The following LRRK1 variants were observed in gnomAD, a reference collection of about 807,000 sequenced individuals.
LRRK1 encodes the protein leucine rich repeat kinase 1.
A neutral mutation model predicts 209.1 loss-of-function variants in LRRK1; 113 were observed. The ratio of observed to expected loss-of-function variants is 0.54; its 90% CI spans 0.46 to 0.63. The LOEUF (loss-of-function observed/expected upper bound fraction) is 0.63, where lower values mean the gene tolerates loss of function less well. Ranked by LOEUF, LRRK1 falls within the 30% of genes least tolerant of loss-of-function variation. The probability of loss-of-function intolerance (pLI) is 0.00; values close to 1 mark genes in which losing one functional copy is unlikely to be tolerated. For synonymous variants in LRRK1, 1,144 were observed against 1,099.7 expected, an observed-to-expected ratio of 1.04 and a Z score of -0.80; for missense variants, 2,284 against 2,632.2, an observed-to-expected ratio of 0.87 and a Z score of 2.89.
chr15:101,018,164 C>T (rs546421914), intron 12 of LRRK1, among the ~76,000 whole-genome samples: 11 of 118,724 alleles, frequency 9.3e-5, no homozygotes, highest in Admixed American at 5.9e-4. Flanking sequence ...ACAAAGAATG[C>T]TTACAAATTG....
At chr15:100,962,209 T>G (rs545907034) in intron 2 of LRRK1, among the ~76,000 whole-genome samples, 14 of 152,290 alleles carry the variant, frequency 9.2e-5, no homozygotes, top group African/African-American at 3.1e-4. Flanking sequence ...AAAAATATAT[T>G]GAAAAACACA....
chr15:100,966,382 A>G (rs1010162487), intron 2 of LRRK1, among the ~76,000 whole-genome samples: 9 of 151,946 alleles, frequency 5.9e-5, no homozygotes, highest in Non-Finnish European at 1.3e-4. Context: ...GTGTTCTTTC[A>G]TTACTTTTGT....
Position 101,068,826 on chromosome 15 carries a change from C to T in LRRK1, c.6026C>T (p.Ala2009Val), listed in dbSNP as rs1452560841. Residue 2009 changes from alanine to valine, a missense_variant, in exon 34 of 34, where the codon GCT becomes GTT. By Grantham distance (64) the Ala-to-Val change is moderately conservative (BLOSUM62 0). Around this residue, in one of 6 missense-constraint regions of LRRK1, gnomAD observed 643 missense variants for 695.9 expected, o/e 0.92. Transcript: ENST00000388948. ...TACGAGGAGCTGGGCCGGCTGGAGG[C>T]TTGCACTCGCAAGAGAAGGTAATTC... Reference protein sequence around the residue: ...QSYEELGRLEACTRKRR With the variant: ...QSYEELGRLEVCTRKRR 6.2e-7 allele frequency: 1 copy of T among 1,606,348 alleles called. No homozygotes were observed. Among genetic ancestry groups the T allele is most frequent in the Non-Finnish European group, 8.5e-7 (1 of 1,176,552 alleles).
chr15:100,928,539 T>G (rs571123255), intron 2 of LRRK1, among the ~76,000 whole-genome samples: 15 of 152,316 alleles, frequency 9.8e-5, no homozygotes, highest in African/African-American at 3.1e-4. Flanking sequence ...CTCAAAATTA[T>G]GTAGGGACAG....
At chr15:100,941,412 CTG>C (rs1301524815) in intron 2 of LRRK1, among the ~76,000 whole-genome samples, 67 of 12,692 alleles carry the variant, frequency 5.3e-3, no homozygotes, top group African/African-American at 0.013. Flanking sequence ...GTGTGTGTCT[CTG>C]TGTGTGTGTG....
At position 101,068,954 on chromosome 15, in the gene LRRK1, A is replaced by C; in HGVS notation, c.*106A>C. The C allele has an allele frequency of 8.6e-7, 1 of 1,156,080 alleles. No individual in the cohort carries two copies. The highest frequency in any genetic ancestry group is 1.2e-6 in the Non-Finnish European group (1 of 834,784). 71.6% of individuals were successfully genotyped at this position (1,156,080 alleles called of 1,614,324 possible). On this transcript the variant is annotated 3_prime_UTR_variant, in exon 34 of 34. Coordinates refer to ENST00000388948, the MANE Select transcript of LRRK1 (RefSeq NM_024652.6). Reference sequence around the variant, plus strand: ...CTCCAAGGACCTAGAAGACAGATGGAGTTCTCCCCTGAACTCCTTGCTGCT... The same window carrying C: ...CTCCAAGGACCTAGAAGACAGATGGCGTTCTCCCCTGAACTCCTTGCTGCT...
chr15:101,010,631 A>G lies in LRRK1; in HGVS notation c.1118-43A>G, dbSNP rs775191370. 1.9e-6 allele frequency: 3 copies of G among 1,584,076 alleles called. No homozygotes were observed. The East Asian group carries it at 6.8e-5, about 36-fold the overall frequency. On this transcript the variant is annotated intron_variant, in intron 8 of 33. Transcript: ENST00000388948. ...TAGTCATTTTCTTCTTGGTAGGGAT[A>G]TTTTTACCAATTCATACTTTGGGTC...
intron 6 of LRRK1, among the ~76,000 whole-genome samples, chr15:101,000,730 C>G (rs953748634): frequency 7.2e-5 from 11 of 152,210 alleles, no homozygotes; most frequent in Non-Finnish European, 1.3e-4. Context: ...TCACGTTTCT[C>G]CTTTTTCATA....
intron 1 of LRRK1, among the ~76,000 whole-genome samples, chr15:100,920,538 G>T (rs2042002179): frequency 6.6e-6 from 1 of 152,076 alleles, no homozygotes; most frequent in Non-Finnish European, 1.5e-5. Flanking sequence ...TCTCCCAAAA[G>T]TCGATGTCTC....
intron 10 of LRRK1, among the ~76,000 whole-genome samples, chr15:101,013,389 G>A (rs1303843272): frequency 3.9e-5 from 6 of 152,160 alleles, no homozygotes; most frequent in Admixed American, 2.0e-4. Context: ...GGTGGCTGTG[G>A]TGATGTCCTC....
At chr15:100,963,706 A>G (rs539166156) in intron 2 of LRRK1, among the ~76,000 whole-genome samples, 23 of 152,218 alleles carry the variant, frequency 1.5e-4, no homozygotes, top group Non-Finnish European at 2.4e-4. Flanking sequence ...GTGGGAGAAC[A>G]GGCCGACTTC....
chr15:100,990,615 C>A (rs565640507), intron 6 of LRRK1, among the ~76,000 whole-genome samples: 2 of 151,972 alleles, frequency 1.3e-5, no homozygotes, highest in African/African-American at 4.8e-5. Context: ...GATATCTTTT[C>A]ATATGTTCAT....
At position 101,053,413 on chromosome 15, in the gene LRRK1, C is replaced by T. The variant is rs550672480; in HGVS notation, c.4047C>T (p.Asn1349=). 4.3e-5 allele frequency: 69 copies of T among 1,590,722 alleles called. No homozygotes were observed. The Admixed American group carries it at 7.4e-4, about 17-fold the overall frequency. Residue 1349 remains asparagine (N), a synonymous_variant, in exon 26 of 34, where the codon AAC becomes AAT. Transcript: ENST00000388948. ...LSSLNTVLSE[N]ARDSSFIPLG... ...GCCTCAACACCGTGCTGTCCGAGAACGCCAGAGGTACCGCGGCGCGCCGCC... is the reference window on the plus strand; with the variant it reads ...GCCTCAACACCGTGCTGTCCGAGAATGCCAGAGGTACCGCGGCGCGCCGCC...
Position 101,010,450 on chromosome 15 carries a change from G to C in LRRK1, c.990G>C (p.Arg330Ser). The change falls in exon 8 of 34, where the codon AGG becomes AGC. Residue 330 changes from arginine to serine, a missense_variant and splice_region_variant. Transcript: ENST00000388948. ...VQSSDEIICS[R>S]LLEIDISSNK... The stretch of plus-strand genomic sequence containing the variant: ...CTGCCTTCCTTCTTCTCCATCGCAG[G>C]CTACTTGAAATTGACATTTCCAGCA... 1.9e-6 allele frequency: 3 copies of C among 1,609,326 alleles called. No individual in the cohort carries two copies. Among genetic ancestry groups the C allele is most frequent in the Non-Finnish European group, 1.7e-6 (2 of 1,178,750 alleles).
rs145540857 is a variant in LRRK1, at chr15:101,044,482, C to A, written c.2964-1499C>A. Among the ~76,000 whole-genome samples, 671 of 152,328 alleles carry A rather than the reference C, an allele frequency of 4.4e-3. 7 individuals are homozygous for A. Among genetic ancestry groups the A allele is most frequent in the African/African-American group, 0.015 (641 of 41,572 alleles). On this transcript the variant is annotated intron_variant, in intron 20 of 33. Coordinates refer to ENST00000388948, the MANE Select transcript of LRRK1 (RefSeq NM_024652.6). ...CTGGTCATTCCCTGGGACGGCCTTTCCCAGCTCGTAATTGCTCTGAAACCC... is the reference window on the plus strand; with the variant it reads ...CTGGTCATTCCCTGGGACGGCCTTTACCAGCTCGTAATTGCTCTGAAACCC...
Position 101,066,005 on chromosome 15 carries a change from C to G in LRRK1, c.5568C>G (p.Pro1856=), listed in dbSNP as rs1288953759. 1.2e-6 allele frequency: 2 copies of G among 1,614,020 alleles called. No individual in the cohort carries two copies. The highest frequency in any genetic ancestry group is 1.7e-6 in the Non-Finnish European group (2 of 1,180,032). Reference sequence around the variant, plus strand: ...CACCCCGCCAGGCTGCCAGGTCCCCCTCAAGCCTCCCCAGCTCCCCAGCAA... The same window carrying G: ...CACCCCGCCAGGCTGCCAGGTCCCCGTCAAGCCTCCCCAGCTCCCCAGCAA... ...SSPPRQAARS[P]SSLPSSPASS... is the part of the protein sequence containing the mutation. The change falls in exon 32 of 34, where the codon CCC becomes CCG. Residue 1856 remains proline, a synonymous_variant. Coordinates refer to ENST00000388948, the MANE Select transcript of LRRK1 (RefSeq NM_024652.6).
chr15:101,065,852 A>G lies in LRRK1; in HGVS notation c.5415A>G (p.Pro1805=), dbSNP rs780244637. 6.2e-7 allele frequency: 1 copy of G among 1,614,030 alleles called. No individual in the cohort carries two copies. The highest frequency in any genetic ancestry group is 8.5e-7 in the Non-Finnish European group (1 of 1,180,006). Residue 1805 remains proline, a synonymous_variant, in exon 32 of 34, where the codon CCA becomes CCG. Transcript: ENST00000388948. ...CGGCAGCCAGCCACACGGCCAACCC[A>G]AAGGTGCCTGAGGGGGACTCCATCG... ...EPPAASHTAN[P]KVPEGDSIAD... is the part of the protein sequence containing the mutation.
chr15:100,967,009 T>C (rs1424803024), intron 2 of LRRK1, among the ~76,000 whole-genome samples: 3 of 152,238 alleles, frequency 2.0e-5, no homozygotes. Flanking sequence ...TGCTTGTGCA[T>C]TCACACATAC....
At chr15:100,957,624 T>G (rs2042791903) in intron 2 of LRRK1, among the ~76,000 whole-genome samples, 1 of 152,232 alleles carries the variant, frequency 6.6e-6, no homozygotes, top group African/African-American at 2.4e-5. Context: ...CTTTAGCTCT[T>G]TTGGTTTCAT....
Sources: allele counts gnomAD v4.1 joint callset (sites outside exome capture counted in the v4.1 genomes callset), GRCh38; gene constraint gnomAD v4.1.1; regional missense constraint gnomAD v4.1.1; transcripts MANE v1.5; gene names NCBI Gene and HGNC (gene_info 2026-07-23, HGNC 2026-07-21).